Variants in RAB6A observed in about 807,000 individuals in gnomAD.
The protein encoded by RAB6A is RAB6A, member RAS oncogene family.
RAB6A carries 8 observed loss-of-function variants against 32.3 expected under a neutral mutation model. That is an observed-to-expected ratio of 0.25 (90% confidence interval 0.15 to 0.45). The LOEUF (loss-of-function observed/expected upper bound fraction) is 0.45, where lower values mean the gene tolerates loss of function less well. RAB6A is among the 20% of genes least tolerant of loss of function. The probability of loss-of-function intolerance (pLI) is 1.00; values close to 1 mark genes in which losing one functional copy is unlikely to be tolerated. For missense variants in RAB6A, 104 were observed against 249.4 expected (o/e 0.42, Z 3.93); for synonymous variants, 73 against 82.1 (o/e 0.89, Z 0.60).
Position 73,677,724 on chromosome 11 carries a change from T to C in RAB6A, c.*174A>G, listed in dbSNP as rs764867755. On this transcript the variant is annotated 3_prime_UTR_variant, in exon 8 of 8. Transcript: ENST00000336083. ...TATAAATAATGAAGACACTGACTTT[T>C]GTTGTGCTTGTGAAGCTAATAGATC... 3 of 1,437,952 alleles carry C rather than the reference T, an allele frequency of 2.1e-6. No homozygotes were observed. The highest frequency in any genetic ancestry group is 2.9e-5 in the African/African-American group (2 of 69,894). The allele number at this position is 1,437,952 out of a possible 1,614,324, so 89.1% of individuals were successfully genotyped here.
rs1555066890 is a variant in RAB6A, at chr11:73,739,263, T to TTAAA, written c.71-8441_71-8440insTTTA. Reference sequence around the variant, plus strand: ...GCAAAAAAAAAATAGTAATAATAATTAAAAAAAAAAAAAAAAAAAAAATAT... The same window carrying TTAAA: ...GCAAAAAAAAAATAGTAATAATAATTTAAAAAAAAAAAAAAAAAAAAAAAAATAT... On this transcript the variant is annotated intron_variant, in intron 1 of 7. Transcript: ENST00000336083. Among the ~76,000 whole-genome samples the TTAAA allele has an allele frequency of 2.5e-3, 23 of 9,380 alleles. 1 individual carries two copies. Among genetic ancestry groups the TTAAA allele is most frequent in the African/African-American group, 5.4e-3 (15 of 2,794 alleles). The allele number at this position is 9,380 out of a possible 152,430, so 6.2% of individuals were successfully genotyped here.
At chr11:73,753,091 T>C (rs896072568) in intron 1 of RAB6A, among the ~76,000 whole-genome samples, 2 of 151,612 alleles carry the variant, frequency 1.3e-5, no homozygotes, top group African/African-American at 4.8e-5. Context: ...GCTAAAAAAA[T>C]TTTTTTTAAT....
rs1319192976 is a variant in RAB6A, at chr11:73,677,162, A to G, written c.*736T>C. 6.0e-6 allele frequency: 1 copy of G among 167,088 alleles called. No individual in the cohort carries two copies. The highest frequency in any genetic ancestry group is 1.9e-4 in the East Asian group (1 of 5,204). The allele number at this position is 167,088 out of a possible 1,614,324, so 10.4% of individuals were successfully genotyped here. On this transcript the variant is annotated 3_prime_UTR_variant, in exon 8 of 8. Transcript: ENST00000336083. ...CTAATAAAGCACATGTGAAAGAGCC[A>G]TTTGTTTTAGTCAGAAATACATCTT...
chr11:73,705,009 A>G (rs67916527), intron 6 of RAB6A, among the ~76,000 whole-genome samples: 12,484 of 145,998 alleles, frequency 0.086, 708 homozygotes, highest in Admixed American at 0.12. Context: ...AATAAATAAT[A>G]AATAAATAAA....
intron 1 of RAB6A, among the ~76,000 whole-genome samples, chr11:73,751,415 G>C (rs962703208): frequency 1.3e-5 from 2 of 152,132 alleles, no homozygotes; most frequent in African/African-American, 4.8e-5. Context: ...ACTCAATAAT[G>C]ATCAATTTTA....
chr11:73,748,853 G>A (rs1466082821), intron 1 of RAB6A, among the ~76,000 whole-genome samples: 8 of 152,038 alleles, frequency 5.3e-5, no homozygotes, highest in African/African-American at 1.2e-4. Flanking sequence ...GGCTGGGCGC[G>A]GTGGCTTACA....
rs562416169 is a variant in RAB6A, at chr11:73,691,314, C to A, written c.496-11594G>T. Among the ~76,000 whole-genome samples, 11 of 152,280 alleles carry A rather than the reference C, an allele frequency of 7.2e-5. No homozygotes were observed. The East Asian group carries it at 9.7e-4, about 13-fold the overall frequency. On this transcript the variant is annotated intron_variant, in intron 6 of 7. Transcript: ENST00000336083. ...TGCTTTCTCCTGGGGTCTGCCCTCG[C>A]CAGAGCATCCCCTGGGCACCCAGCT...
chr11:73,721,963 T>C (rs1946138131), intron 2 of RAB6A, among the ~76,000 whole-genome samples: 2 of 152,050 alleles, frequency 1.3e-5, no homozygotes, highest in African/African-American at 4.8e-5. Flanking sequence ...CGAGATCTGA[T>C]GGTTTTATAA....
chr11:73,757,408 A>T (rs1946779586), intron 1 of RAB6A, among the ~76,000 whole-genome samples: 1 of 150,486 alleles, frequency 6.6e-6, no homozygotes, highest in African/African-American at 2.4e-5. Context: ...CTGACCTCAG[A>T]TGATTCACCT....
At chr11:73,755,872 CAA>C (rs1491354756) in intron 1 of RAB6A, among the ~76,000 whole-genome samples, 2 of 41,470 alleles carry the variant, frequency 4.8e-5, no homozygotes, top group African/African-American at 9.8e-5. Context: ...GGAAGAAGAA[CAA>C]GAGGAGGAGG....
chr11:73,760,409 G>A (rs975758885), intron 1 of RAB6A, among the ~76,000 whole-genome samples, 157 bp downstream of exon 1: 1 of 152,148 alleles, frequency 6.6e-6, no homozygotes, highest in African/African-American at 2.4e-5. Flanking sequence ...CACTGGCGAA[G>A]AGCCAGTGGC....
At chr11:73,736,321 T>C (rs1281961705) in intron 1 of RAB6A, among the ~76,000 whole-genome samples, 1 of 151,508 alleles carries the variant, frequency 6.6e-6, no homozygotes, top group Non-Finnish European at 1.5e-5. Flanking sequence ...CTGAGCTACT[T>C]GGGAGGCTGA....
In RAB6A at chr11:73,736,464, T is replaced by C. The variant is rs1011119487; in HGVS notation, c.71-5641A>G. On this transcript the variant is annotated intron_variant, in intron 1 of 7. Coordinates refer to ENST00000336083, the MANE Select transcript of RAB6A (RefSeq NM_198896.2). ...AGAAAAAGAAATTCACCAGTGAAAGTAATTCTAGATGAAGGTATCTCCTAA... is the reference window on the plus strand; with the variant it reads ...AGAAAAAGAAATTCACCAGTGAAAGCAATTCTAGATGAAGGTATCTCCTAA... 1.0e-4 allele frequency among the ~76,000 whole-genome samples: 15 copies of C among 149,620 alleles called. No homozygotes were observed. In the South Asian group the frequency reaches 2.9e-3, roughly 29 times the overall value.
chr11:73,731,729 TATACACAC>T lies in RAB6A; in HGVS notation c.71-914_71-907del, dbSNP rs1282270988. On this transcript the variant is annotated intron_variant, in intron 1 of 7. Transcript: ENST00000336083. The stretch of plus-strand genomic sequence containing the variant: ...ATATATATATATATATATATATATA[TATACACAC>T]ACACACACATATTTTCTTTTTTTTT... 1.9e-3 allele frequency among the ~76,000 whole-genome samples: 14 copies of T among 7,550 alleles called. No individual in the cohort carries two copies. The South Asian group carries it at 0.022, about 12-fold the overall frequency. 5.0% of individuals were successfully genotyped at this position (7,550 alleles called of 152,430 possible).
At chr11:73,694,649 G>A (rs1213680980) in intron 6 of RAB6A, among the ~76,000 whole-genome samples, 6 of 152,190 alleles carry the variant, frequency 3.9e-5, no homozygotes, top group Non-Finnish European at 8.8e-5. Context: ...AAGATGGGAT[G>A]ATCACTTGGG....
chr11:73,753,099 A>C (rs564828111), intron 1 of RAB6A, among the ~76,000 whole-genome samples: 5 of 152,164 alleles, frequency 3.3e-5, no homozygotes, highest in Admixed American at 6.5e-5. Context: ...AATTTTTTTT[A>C]ATCAGCCGAG....
intron 1 of RAB6A, among the ~76,000 whole-genome samples, chr11:73,741,053 A>G (rs1483369305): frequency 1.3e-5 from 2 of 152,194 alleles, no homozygotes; most frequent in Middle Eastern, 3.2e-3. Context: ...TATTTATTAG[A>G]TCTACAGTAT....
chr11:73,736,938 A>G (rs1206585397), intron 1 of RAB6A, among the ~76,000 whole-genome samples: 3 of 147,032 alleles, frequency 2.0e-5, no homozygotes, highest in African/African-American at 7.5e-5. Flanking sequence ...TGATCATGCC[A>G]CTGCAGTCCA....
intron 6 of RAB6A, among the ~76,000 whole-genome samples, chr11:73,703,228 T>A (rs765902545): frequency 1.3e-5 from 2 of 152,050 alleles, no homozygotes; most frequent in African/African-American, 4.8e-5. Flanking sequence ...AAACAGCAAA[T>A]GAAGGGCAAT....
Sources: allele counts gnomAD v4.1 joint callset (sites outside exome capture counted in the v4.1 genomes callset), GRCh38; gene constraint gnomAD v4.1.1; transcripts MANE v1.5; gene names NCBI Gene and HGNC (gene_info 2026-07-23, HGNC 2026-07-21).